Variants in SCFD2 observed in about 807,000 individuals in gnomAD.
The protein encoded by SCFD2 is sec1 family domain-containing protein 2.
A neutral mutation model predicts 58.9 loss-of-function variants in SCFD2; 54 were observed. That is an observed-to-expected ratio of 0.92 (90% CI 0.74 to 1.15). The LOEUF is 1.15. Among genes scored for constraint, SCFD2 ranks in the 50% most tolerant of loss-of-function variants. The pLI, the probability that SCFD2 is intolerant of heterozygous loss-of-function variation, is 0.00. For missense variants in SCFD2, 805 were observed against 836.6 expected, an observed-to-expected ratio of 0.96 and a Z score of 0.47; for synonymous variants, 321 against 335.9, an observed-to-expected ratio of 0.96 and a Z score of 0.49.
chr4:53,029,240 G>A (rs200538117), intron 5 of SCFD2, among the ~76,000 whole-genome samples: 5 of 103,756 alleles, frequency 4.8e-5, no homozygotes, highest in Non-Finnish European at 9.1e-5. Flanking sequence ...AAAATCTTAC[G>A]AAAAAAAAAA....
At position 53,351,137 on chromosome 4, in the gene SCFD2, GTAAAGC is replaced by G. The variant is rs376969045; in HGVS notation, c.1007+1455_1007+1460del. Among the ~76,000 whole-genome samples the G allele has an allele frequency of 1.2e-3, 185 of 152,322 alleles. 1 individual carries two copies. Among genetic ancestry groups the G allele is most frequent in the Admixed American group, 2.0e-3 (31 of 15,300 alleles). ...ACAACATCTACCTCATTAGGATACT[GTAAAGC>G]TTAATTTCCCAAACGTAAAATGCTT... On this transcript the variant is annotated intron_variant, in intron 2 of 8. Transcript: ENST00000401642.
chr4:53,122,372 G>C (rs1470949202), intron 5 of SCFD2, among the ~76,000 whole-genome samples: 3 of 150,598 alleles, frequency 2.0e-5, no homozygotes, highest in Non-Finnish European at 4.4e-5. Flanking sequence ...GCGAGACTCC[G>C]TCTAAAAAAA....
chr4:53,352,108 ATCT>A (rs1457526310), intron 2 of SCFD2, among the ~76,000 whole-genome samples: 2 of 152,332 alleles, frequency 1.3e-5, no homozygotes, highest in African/African-American at 4.8e-5. Flanking sequence ...AACGTACATA[ATCT>A]TCTCTCTTTG....
intron 5 of SCFD2, among the ~76,000 whole-genome samples, chr4:52,960,553 C>T (rs1054424963): frequency 1.3e-5 from 2 of 151,880 alleles, no homozygotes; most frequent in African/African-American, 4.8e-5. Flanking sequence ...TTTTTTAGTA[C>T]AGATGGGGTT....
chr4:53,259,895 A>G (rs1390019554), intron 4 of SCFD2, among the ~76,000 whole-genome samples: 19 of 151,208 alleles, frequency 1.3e-4, no homozygotes. Context: ...GATTTCTTGC[A>G]GTAGTGTTTT....
chr4:53,320,038 T>A (rs545302930), intron 2 of SCFD2, among the ~76,000 whole-genome samples: 2 of 152,352 alleles, frequency 1.3e-5, no homozygotes, highest in Admixed American at 1.3e-4. Flanking sequence ...TTTCACTTAT[T>A]GAAAACTATG....
At chr4:52,874,760 C>T (rs1318250634) in intron 8 of SCFD2, among the ~76,000 whole-genome samples, 2 of 152,194 alleles carry the variant, frequency 1.3e-5, no homozygotes, top group African/African-American at 2.4e-5. Flanking sequence ...TATATACATA[C>T]AGTCACACTG....
intron 4 of SCFD2, among the ~76,000 whole-genome samples, chr4:53,204,799 T>C (rs1304562484): frequency 4.0e-5 from 6 of 150,536 alleles, no homozygotes; most frequent in Non-Finnish European, 8.8e-5. Context: ...TAAGCTTCCA[T>C]AGTAAGGAAA....
intron 5 of SCFD2, among the ~76,000 whole-genome samples, chr4:52,987,214 G>C (rs1464364522): frequency 2.0e-5 from 3 of 151,450 alleles, no homozygotes; most frequent in Non-Finnish European, 4.4e-5. Flanking sequence ...ATTTTTAGTA[G>C]AGACGGGGTT....
chr4:52,998,081 C>T (rs923698117), intron 5 of SCFD2, among the ~76,000 whole-genome samples: 1 of 152,056 alleles, frequency 6.6e-6, no homozygotes, highest in African/African-American at 2.4e-5. Context: ...AGTTAGGATC[C>T]AGAGAGATTA....
intron 5 of SCFD2, among the ~76,000 whole-genome samples, chr4:53,136,354 G>A (rs1398229604): frequency 6.6e-6 from 1 of 152,162 alleles, no homozygotes; most frequent in Non-Finnish European, 1.5e-5. Context: ...CTCATGAGCA[G>A]AGCGAATAGA....
chr4:53,041,534 A>G (rs1168040547), intron 5 of SCFD2, among the ~76,000 whole-genome samples: 1 of 152,222 alleles, frequency 6.6e-6, no homozygotes, highest in Non-Finnish European at 1.5e-5. Context: ...TAACTAAGTG[A>G]TTAACTGTGC....
rs376552165 is a variant in SCFD2, at chr4:53,095,883, C to A, written c.1561+49450G>T. Among the ~76,000 whole-genome samples the A allele has an allele frequency of 1.6e-3, 247 of 152,112 alleles. 1 individual carries two copies. Among genetic ancestry groups the A allele is most frequent in the African/African-American group, 5.6e-3 (233 of 41,508 alleles). ...TATCCCTCCCCCCATCCCGACCCCA[C>A]AACAGGCCCCGGTGTGTGATGTTCC... On this transcript the variant is annotated intron_variant, in intron 5 of 8. Coordinates refer to ENST00000401642, the MANE Select transcript of SCFD2 (RefSeq NM_152540.4).
At chr4:53,334,657 C>T (rs1395479944) in intron 2 of SCFD2, among the ~76,000 whole-genome samples, 4 of 151,268 alleles carry the variant, frequency 2.6e-5, no homozygotes, top group East Asian at 1.9e-4. Context: ...TGCTAGATGA[C>T]GAGTTAGTGG....
intron 4 of SCFD2, among the ~76,000 whole-genome samples, chr4:53,170,938 G>C (rs561424033): frequency 1.3e-5 from 2 of 152,074 alleles, no homozygotes; most frequent in African/African-American, 2.4e-5. Context: ...GAAATCTTTA[G>C]GGTTTTCTAT....
intron 3 of SCFD2, among the ~76,000 whole-genome samples, chr4:53,287,788 T>A (rs1352543738): frequency 6.6e-6 from 1 of 152,066 alleles, no homozygotes; most frequent in Non-Finnish European, 1.5e-5. Context: ...AAAATAGTAA[T>A]CTTAAAGAGA....
At chr4:52,875,708 G>T (rs1188818543) in intron 8 of SCFD2, among the ~76,000 whole-genome samples, 3 of 150,430 alleles carry the variant, frequency 2.0e-5, no homozygotes, top group Admixed American at 1.3e-4. Context: ...GTTAAAGAAA[G>T]AATTTTTCAA....
intron 4 of SCFD2, among the ~76,000 whole-genome samples, chr4:53,250,791 A>T (rs1222216098): frequency 6.6e-6 from 1 of 152,246 alleles, no homozygotes; most frequent in Non-Finnish European, 1.5e-5. Flanking sequence ...AAGAGAAAGC[A>T]GGAAAGATCT....
chr4:52,964,353 A>T (rs1435570933), intron 5 of SCFD2, among the ~76,000 whole-genome samples: 1 of 152,216 alleles, frequency 6.6e-6, no homozygotes, highest in African/African-American at 2.4e-5. Context: ...GGTTGAATCC[A>T]ATCCAGTGTT....
Sources: allele counts gnomAD v4.1 joint callset (sites outside exome capture counted in the v4.1 genomes callset), GRCh38; gene constraint gnomAD v4.1.1; transcripts MANE v1.5; gene names NCBI Gene and HGNC (gene_info 2026-07-23, HGNC 2026-07-21).